ANKS1B: variants seen among roughly 807,000 people sequenced by gnomAD.
The protein encoded by ANKS1B is ankyrin repeat and sterile alpha motif domain containing 1B.
Under a neutral mutation model 148.3 loss-of-function variants are expected in ANKS1B, and 36 were observed. The observed-to-expected ratio is 0.24, with a 90% CI of 0.19 to 0.32. The LOEUF (loss-of-function observed/expected upper bound fraction) is 0.32, where lower values mean the gene tolerates loss of function less well. Ranked by LOEUF, ANKS1B falls within the 10% of genes least tolerant of loss-of-function variation. The pLI is 1.00. For synonymous variants in ANKS1B, 542 were observed against 560.8 expected (o/e 0.97, Z 0.47); for missense variants, 1,157 against 1,542.6 (o/e 0.75, Z 4.19).
chr12:99,100,874 G>A (rs2057754599), intron 15 of ANKS1B, among the ~76,000 whole-genome samples: 1 of 152,178 alleles, frequency 6.6e-6, no homozygotes, highest in South Asian at 2.1e-4. Flanking sequence ...GATTATGGCT[G>A]TACAGAGAAA....
intron 16 of ANKS1B, among the ~76,000 whole-genome samples, chr12:99,081,315 G>A (rs1282992584): frequency 6.6e-6 from 1 of 152,122 alleles, no homozygotes; most frequent in Non-Finnish European, 1.5e-5. Context: ...AACACAATAT[G>A]TTAATTAAAG....
At chr12:99,641,805 T>C (rs1056730789) in intron 9 of ANKS1B, among the ~76,000 whole-genome samples, 2 of 152,116 alleles carry the variant, frequency 1.3e-5, no homozygotes, top group African/African-American at 4.8e-5. Context: ...GTAAAAAATA[T>C]TGAACAGTAG....
chr12:99,596,094 A>G (rs2097756455), intron 9 of ANKS1B, among the ~76,000 whole-genome samples: 1 of 151,890 alleles, frequency 6.6e-6, no homozygotes, highest in Non-Finnish European at 1.5e-5. Flanking sequence ...GTATATTTTT[A>G]TTTTCAATAA....
At chr12:99,873,318 A>G (rs530690104) in intron 1 of ANKS1B, among the ~76,000 whole-genome samples, 14 of 152,272 alleles carry the variant, frequency 9.2e-5, no homozygotes, top group Non-Finnish European at 1.6e-4. Context: ...GGATTTCTAG[A>G]TATCAGTATA....
intron 4 of ANKS1B, among the ~76,000 whole-genome samples, chr12:99,786,527 G>A (rs78940870): frequency 0.015 from 2,314 of 152,168 alleles, 59 homozygotes; most frequent in African/African-American, 0.053. Flanking sequence ...GCACAGAAGG[G>A]GAAAGGATGT....
At chr12:99,771,901 T>A (rs556971622) in intron 8 of ANKS1B, among the ~76,000 whole-genome samples, 62 of 152,220 alleles carry the variant, frequency 4.1e-4, no homozygotes, top group Admixed American at 3.8e-3. Context: ...GTTCTCATAA[T>A]GGACAGTCAC....
intron 12 of ANKS1B, among the ~76,000 whole-genome samples, chr12:99,281,393 A>G (rs1292159324): frequency 6.6e-6 from 1 of 152,228 alleles, no homozygotes; most frequent in African/African-American, 2.4e-5. Context: ...AAATTAAAAG[A>G]GAAAAGTCTG....
chr12:98,841,748 G>C, intron 17 of ANKS1B, among the ~76,000 whole-genome samples: 1 of 151,462 alleles, frequency 6.6e-6, no homozygotes, highest in East Asian at 1.9e-4. Flanking sequence ...AGTTCAAAAA[G>C]AGGAAAAAAA....
chr12:99,596,352 A>G (rs576221180), intron 9 of ANKS1B, among the ~76,000 whole-genome samples: 6 of 151,618 alleles, frequency 4.0e-5, no homozygotes, highest in Admixed American at 3.9e-4. Context: ...CTGCCTATAT[A>G]CTCATATAAA....
intron 9 of ANKS1B, among the ~76,000 whole-genome samples, chr12:99,626,123 T>C (rs2098110843): frequency 6.6e-6 from 1 of 152,190 alleles, no homozygotes; most frequent in African/African-American, 2.4e-5. Context: ...AATGAAATGC[T>C]CTAACCTGAG....
intron 8 of ANKS1B, among the ~76,000 whole-genome samples, chr12:99,677,636 A>T (rs555324650): frequency 6.6e-6 from 1 of 152,328 alleles, no homozygotes; most frequent in African/African-American, 2.4e-5. Context: ...CCAGCTGCTT[A>T]TGTAATTCTG....
chr12:99,854,303 C>G (rs947709049), intron 1 of ANKS1B, among the ~76,000 whole-genome samples: 2 of 152,174 alleles, frequency 1.3e-5, no homozygotes, highest in East Asian at 3.8e-4. Context: ...GGAGCCACCA[C>G]TCCCGGCCAA....
chr12:98,865,620 A>G (rs555438857), intron 17 of ANKS1B, among the ~76,000 whole-genome samples: 1 of 152,164 alleles, frequency 6.6e-6, no homozygotes, highest in South Asian at 2.1e-4. Flanking sequence ...ATAGAGCATG[A>G]AAAGGGTGAT....
At chr12:98,845,732 T>A (rs1479433164) in intron 17 of ANKS1B, among the ~76,000 whole-genome samples, 1 of 151,970 alleles carries the variant, frequency 6.6e-6, no homozygotes, top group African/African-American at 2.4e-5. Flanking sequence ...ACTTTTTTTT[T>A]TTTTTAATTA....
chr12:99,154,824 C>T (rs369258317), intron 14 of ANKS1B: 1 of 1,515,872 alleles, frequency 6.6e-7, no homozygotes, highest in African/African-American at 1.4e-5. Context: ...CAGTATGCAG[C>T]TCCATGCTCC....
At chr12:99,556,775 G>A (rs995853408) in intron 9 of ANKS1B, among the ~76,000 whole-genome samples, 1 of 151,946 alleles carries the variant, frequency 6.6e-6, no homozygotes, top group Admixed American at 6.6e-5. Flanking sequence ...CTTAGTATTG[G>A]TTTCTATTTT....
At position 98,868,257 on chromosome 12, in the gene ANKS1B, T is replaced by C. The variant is rs545292746; in HGVS notation, c.2779-36121A>G. Among the ~76,000 whole-genome samples the C allele has an allele frequency of 2.4e-4, 36 of 150,722 alleles. 1 individual carries two copies. Among genetic ancestry groups the C allele is most frequent in the African/African-American group, 8.2e-4 (34 of 41,436 alleles). ...AGGGGGCTGGAGGAGAGGTGCCAAG[T>C]GTGGGCTGCGCATGGAACGGGAACA... On this transcript the variant is annotated intron_variant, in intron 17 of 26. Coordinates refer to ENST00000683438, the MANE Select transcript of ANKS1B (RefSeq NM_001352186.2).
chr12:98,748,602 G>C (rs2097964875), intron 26 of ANKS1B, among the ~76,000 whole-genome samples: 1 of 152,202 alleles, frequency 6.6e-6, no homozygotes, highest in African/African-American at 2.4e-5. Flanking sequence ...CCATAAAGCT[G>C]TGGGGAGGAC....
At chr12:98,922,022 A>G (rs1320474440) in intron 17 of ANKS1B, among the ~76,000 whole-genome samples, 1 of 152,232 alleles carries the variant, frequency 6.6e-6, no homozygotes, top group African/African-American at 2.4e-5. Context: ...CTTCAAGATA[A>G]CAACAAGGAA....
Sources: allele counts gnomAD v4.1 joint callset (sites outside exome capture counted in the v4.1 genomes callset), GRCh38; gene constraint gnomAD v4.1.1; transcripts MANE v1.5; gene names NCBI Gene and HGNC (gene_info 2026-07-23, HGNC 2026-07-21).